Variants in CPNE8 observed in about 807,000 individuals in gnomAD.
CPNE8 encodes copine 8.
Under a neutral mutation model 81.5 loss-of-function variants are expected in CPNE8, and 45 were observed. The observed-to-expected ratio is 0.55, with a 90% CI of 0.44 to 0.71. CPNE8 has a LOEUF of 0.71. CPNE8 is among the 30% of genes least tolerant of loss of function. The pLI is 0.00. For synonymous variants in CPNE8, 252 were observed against 226.3 expected (o/e 1.11, Z -1.02); for missense variants, 594 against 672.1 (o/e 0.88, Z 1.28).
At chr12:38,769,826 A>G (rs1941765037) in intron 7 of CPNE8, among the ~76,000 whole-genome samples, 1 of 152,204 alleles carries the variant, frequency 6.6e-6, no homozygotes, top group Non-Finnish European at 1.5e-5. Context: ...TTTTCAAATT[A>G]TATCCCTTAG....
intron 6 of CPNE8, among the ~76,000 whole-genome samples, chr12:38,828,817 G>C (rs1419894470): frequency 6.6e-6 from 1 of 152,122 alleles, no homozygotes; most frequent in Non-Finnish European, 1.5e-5. Flanking sequence ...TTTGCTCCCT[G>C]CCTTATTTGG....
rs1938733615 is a variant in CPNE8 at position 38,653,010 on chromosome 12, T to G, written c.*872A>C. The G allele has an allele frequency of 6.6e-6, 1 of 152,628 alleles. No individual in the cohort carries two copies. The highest frequency in any genetic ancestry group is 2.4e-5 in the African/African-American group (1 of 41,458). 9.5% of individuals were successfully genotyped at this position (152,628 alleles called of 1,614,324 possible). On this transcript the variant is annotated 3_prime_UTR_variant, in exon 20 of 20. Transcript: ENST00000331366. ...AATGGAATAAAAAGTTTAAAACATC[T>G]GCTACATAGTTCACAGTTAAATAGT...
chr12:38,669,817 G>A (rs764651761), intron 19 of CPNE8, among the ~76,000 whole-genome samples: 45 of 152,152 alleles, frequency 3.0e-4, no homozygotes, highest in Admixed American at 1.8e-3. Context: ...CTTCATGTGT[G>A]CTAAGATAGG....
At chr12:38,732,872 G>A (rs1161442663) in intron 10 of CPNE8, among the ~76,000 whole-genome samples, 1 of 151,914 alleles carries the variant, frequency 6.6e-6, no homozygotes, top group Non-Finnish European at 1.5e-5. Flanking sequence ...TGTTCAAGAT[G>A]ATTATTTTGA....
chr12:38,776,987 T>A (rs1475954532), intron 6 of CPNE8, among the ~76,000 whole-genome samples: 1 of 152,096 alleles, frequency 6.6e-6, no homozygotes, highest in Non-Finnish European at 1.5e-5. Flanking sequence ...TATACTATAC[T>A]TTTTATCATT....
chr12:38,752,945 G>C (rs1420688397), intron 10 of CPNE8, among the ~76,000 whole-genome samples: 1 of 152,130 alleles, frequency 6.6e-6, no homozygotes, highest in East Asian at 1.9e-4. Context: ...TAATTAATCT[G>C]AATGACAAGA....
intron 1 of CPNE8, among the ~76,000 whole-genome samples, chr12:38,881,176 C>T (rs1944151114): frequency 6.7e-6 from 1 of 149,272 alleles, no homozygotes; most frequent in African/African-American, 2.5e-5. Context: ...CACCACTGCA[C>T]TCCAGCCTGG....
At chr12:38,742,206 T>TA (rs1941123401) in intron 10 of CPNE8, among the ~76,000 whole-genome samples, 2 of 152,164 alleles carry the variant, frequency 1.3e-5, no homozygotes, top group African/African-American at 4.8e-5. Context: ...ATCATGCCGC[T>TA]ATGAAGACAC....
intron 3 of CPNE8, among the ~76,000 whole-genome samples, chr12:38,861,184 T>C (rs1184805459): frequency 6.6e-6 from 1 of 152,066 alleles, no homozygotes; most frequent in African/African-American, 2.4e-5. Flanking sequence ...TCTAAAATAG[T>C]CAAACTTAAA....
At chr12:38,777,501 T>C (rs952831484) in intron 6 of CPNE8, among the ~76,000 whole-genome samples, 14 of 152,174 alleles carry the variant, frequency 9.2e-5, no homozygotes, top group Admixed American at 5.9e-4. Flanking sequence ...AGCCTAACTA[T>C]ACAGTGTTTA....
chr12:38,777,390 C>T (rs1050067012), intron 6 of CPNE8, among the ~76,000 whole-genome samples: 1 of 152,076 alleles, frequency 6.6e-6, no homozygotes, highest in Non-Finnish European at 1.5e-5. Context: ...ATTATTAAAA[C>T]ATTTTAAAAA....
intron 10 of CPNE8, among the ~76,000 whole-genome samples, chr12:38,738,079 C>T (rs1011475613): frequency 9.3e-4 from 141 of 152,066 alleles, no homozygotes; most frequent in South Asian, 2.1e-4. Flanking sequence ...CTTGTGGAGC[C>T]GGCTACCAGT....
At chr12:38,803,027 C>T (rs1009251972) in intron 6 of CPNE8, among the ~76,000 whole-genome samples, 1 of 94,780 alleles carries the variant, frequency 1.1e-5, no homozygotes, top group Non-Finnish European at 2.1e-5. Context: ...AGTTTACCAA[C>T]CAAAAAGAGT....
chr12:38,742,491 G>T lies in CPNE8; in HGVS notation c.723-12133C>A, dbSNP rs1040646994. 2.7e-5 allele frequency among the ~76,000 whole-genome samples: 4 copies of T among 147,860 alleles called. No homozygotes were observed. The East Asian group carries it at 8.0e-4, about 30-fold the overall frequency. ...TGGAACTGAACAATGAGAACACTTG[G>T]ATATAGGAAAGGGAACATCACACAC... is the stretch of plus-strand genomic sequence containing the variant. On this transcript the variant is annotated intron_variant, in intron 10 of 19. Coordinates refer to ENST00000331366, the MANE Select transcript of CPNE8 (RefSeq NM_153634.3).
rs770984926 is a variant in CPNE8 at position 38,717,429 on chromosome 12, G to GTGTATATATATATATATATATA, written c.914+6342_914+6343insTATATATATATATATATATACA. 4.6e-4 allele frequency among the ~76,000 whole-genome samples: 40 copies of GTGTATATATATATATATATATA among 87,016 alleles called. 1 individual carries two copies. Among genetic ancestry groups the GTGTATATATATATATATATATA allele is most frequent in the Admixed American group, 2.8e-3 (19 of 6,738 alleles). The allele number at this position is 87,016 out of a possible 152,430, so 57.1% of individuals were successfully genotyped here. ...AACAAGTAAACAAAGAAAGTGTGGT[G>GTGTATATATATATATATATATA]TATATATATATATATATATATATAT... On this transcript the variant is annotated intron_variant, in intron 13 of 19. Coordinates refer to ENST00000331366, the MANE Select transcript of CPNE8 (RefSeq NM_153634.3).
At chr12:38,773,466 T>C (rs536186207) in intron 7 of CPNE8, among the ~76,000 whole-genome samples, 1 of 152,212 alleles carries the variant, frequency 6.6e-6, no homozygotes, top group Admixed American at 6.5e-5. Context: ...GTCCAGTTAT[T>C]TGTATGCCAA....
chr12:38,796,068 C>A (rs1942462919), intron 6 of CPNE8, among the ~76,000 whole-genome samples: 2 of 152,140 alleles, frequency 1.3e-5, no homozygotes, highest in Admixed American at 1.3e-4. Context: ...AGAGACCAGC[C>A]TGGTCAACAT....
chr12:38,772,899 G>A (rs1160108296), intron 7 of CPNE8, among the ~76,000 whole-genome samples: 1 of 148,916 alleles, frequency 6.7e-6, no homozygotes, highest in Non-Finnish European at 1.5e-5. Context: ...AATAGATACA[G>A]AAAATGTTTT....
chr12:38,785,253 CT>C (rs1168404068), intron 6 of CPNE8, among the ~76,000 whole-genome samples: 1 of 150,906 alleles, frequency 6.6e-6, no homozygotes, highest in Non-Finnish European at 1.5e-5. Flanking sequence ...ACAAAACTCA[CT>C]GACTCACTGA....
Sources: gnomAD v4.1 joint callset for allele counts (sites outside exome capture counted in the v4.1 genomes callset) on GRCh38, gnomAD v4.1.1 for gene constraint, MANE v1.5 for transcripts, NCBI Gene and HGNC (gene_info 2026-07-23, HGNC 2026-07-21) for gene names.